Variants in EPHA3 observed in about 807,000 individuals in gnomAD.
The protein encoded by EPHA3 is ephrin type-A receptor 3.
A neutral mutation model predicts 107.1 loss-of-function variants in EPHA3; 42 were observed. That is an observed-to-expected ratio of 0.39 (90% confidence interval 0.31 to 0.51). EPHA3 has a LOEUF of 0.51. Among genes scored for constraint, EPHA3 ranks in the 20% least tolerant of loss-of-function variants. The pLI, the probability that EPHA3 is intolerant of heterozygous loss-of-function variation, is 0.78. For synonymous variants in EPHA3, 461 were observed against 424.8 expected (o/e 1.09, Z -1.05); for missense variants, 1,183 against 1,211.2 (o/e 0.98, Z 0.35).
intron 2 of EPHA3, among the ~76,000 whole-genome samples, chr3:89,131,783 T>G (rs1006115993): frequency 2.6e-5 from 4 of 152,306 alleles, no homozygotes; most frequent in African/African-American, 9.6e-5. Context: ...CTTTAGATAT[T>G]TATTGATGTC....
At chr3:89,146,106 G>GA (rs1448642576) in intron 2 of EPHA3, among the ~76,000 whole-genome samples, 4 of 151,732 alleles carry the variant, frequency 2.6e-5, no homozygotes, top group Non-Finnish European at 5.9e-5. Flanking sequence ...CATAAGTTTT[G>GA]AATTGCCCAC....
At chr3:89,235,639 A>T (rs1271612292) in intron 3 of EPHA3, among the ~76,000 whole-genome samples, 2 of 152,016 alleles carry the variant, frequency 1.3e-5, no homozygotes, top group Non-Finnish European at 2.9e-5. Flanking sequence ...GTATATTTTC[A>T]ATATACCATA....
chr3:89,414,929 T>A lies in EPHA3; in HGVS notation c.1888+1663T>A, dbSNP rs116839464. On this transcript the variant is annotated intron_variant, in intron 10 of 16. Coordinates refer to ENST00000336596, the MANE Select transcript of EPHA3 (RefSeq NM_005233.6). ...TATTTCTGTCTTCAAGTATATATGT[T>A]AATGATTAGATATATGCCCATGTTC... Among the ~76,000 whole-genome samples, 1,479 of 151,718 alleles carry A rather than the reference T, an allele frequency of 9.7e-3. 27 individuals are homozygous for A. The highest frequency in any genetic ancestry group is 0.034 in the African/African-American group (1,415 of 41,478).
chr3:89,403,868 T>A (rs144567078), intron 7 of EPHA3, among the ~76,000 whole-genome samples: 1 of 152,298 alleles, frequency 6.6e-6, no homozygotes, highest in African/African-American at 2.4e-5. Flanking sequence ...TTATTACTTG[T>A]AAAGTGCTTA....
chr3:89,433,408 GA>G (rs1709606920), intron 13 of EPHA3, among the ~76,000 whole-genome samples: 1 of 152,018 alleles, frequency 6.6e-6, no homozygotes, highest in Non-Finnish European at 1.5e-5. Flanking sequence ...TAATATGCCA[GA>G]TAGCATTTCA....
intron 13 of EPHA3, among the ~76,000 whole-genome samples, chr3:89,438,522 A>G (rs1011152840): frequency 3.3e-5 from 5 of 152,304 alleles, no homozygotes; most frequent in African/African-American, 1.2e-4. Context: ...AAGAACATAA[A>G]TAACAGAAAA....
intron 2 of EPHA3, among the ~76,000 whole-genome samples, chr3:89,200,251 A>G (rs1284132504): frequency 6.6e-6 from 1 of 152,228 alleles, no homozygotes; most frequent in African/African-American, 2.4e-5. Flanking sequence ...ATTTATTTAT[A>G]TACACGTACC....
chr3:89,191,640 G>A (rs1181298079), intron 2 of EPHA3, among the ~76,000 whole-genome samples: 1 of 152,080 alleles, frequency 6.6e-6, no homozygotes, highest in African/African-American at 2.4e-5. Flanking sequence ...AAATTTAAAT[G>A]TTTAATATTA....
At chr3:89,201,674 A>C (rs1255553043) in intron 2 of EPHA3, among the ~76,000 whole-genome samples, 1 of 152,218 alleles carries the variant, frequency 6.6e-6, no homozygotes, top group Admixed American at 6.5e-5. Context: ...TTCTTAAATG[A>C]ATCTGTATCT....
rs111298107 is a variant in EPHA3, at chr3:89,415,999, G to A, written c.1888+2733G>A. Among the ~76,000 whole-genome samples the A allele has an allele frequency of 5.7e-3, 859 of 151,420 alleles. 9 individuals carry two copies. The highest frequency in any genetic ancestry group is 0.02 in the African/African-American group (811 of 41,418). ...TTTTTTTGAGGATTAAACAAGATAAGTTGTGCAGGGGACTTAGCTGACACA... is the reference window on the plus strand; with the variant it reads ...TTTTTTTGAGGATTAAACAAGATAAATTGTGCAGGGGACTTAGCTGACACA... On this transcript the variant is annotated intron_variant, in intron 10 of 16. Transcript: ENST00000336596.
intron 3 of EPHA3, among the ~76,000 whole-genome samples, chr3:89,288,370 T>A (rs1706138264): frequency 6.6e-6 from 1 of 152,150 alleles, no homozygotes; most frequent in South Asian, 2.1e-4. Context: ...TATAGAGCTA[T>A]GATGCTGTAT....
intron 5 of EPHA3, among the ~76,000 whole-genome samples, chr3:89,379,246 A>T (rs1024577055): frequency 1.3e-5 from 2 of 152,198 alleles, no homozygotes; most frequent in Non-Finnish European, 2.9e-5. Flanking sequence ...TTGGGATAAA[A>T]AGAGACTGAG....
chr3:89,342,148 G>T, intron 5 of EPHA3, 58 bp downstream of exon 5: 2 of 1,451,718 alleles, frequency 1.4e-6, no homozygotes, highest in South Asian at 2.8e-5. Flanking sequence ...TAATGGTTTT[G>T]ACTCTGGGTG....
intron 1 of EPHA3, among the ~76,000 whole-genome samples, chr3:89,122,056 T>G (rs951482941): frequency 6.6e-6 from 1 of 152,234 alleles, no homozygotes; most frequent in African/African-American, 2.4e-5. Context: ...CAAAGTTTAT[T>G]TCTTTCTGTA....
intron 5 of EPHA3, among the ~76,000 whole-genome samples, chr3:89,379,123 T>C (rs1334053197): frequency 6.6e-6 from 1 of 152,218 alleles, no homozygotes; most frequent in East Asian, 1.9e-4. Flanking sequence ...TCCCCTTTGC[T>C]TTCTGCTCAG....
rs1340080844 is a variant in EPHA3, at chr3:89,383,711, C to T, written c.1307-12126C>T. Among the ~76,000 whole-genome samples, 6 of 140,114 alleles carry T rather than the reference C, an allele frequency of 4.3e-5. No homozygotes were observed. In the South Asian group the frequency reaches 7.0e-4, roughly 16 times the overall value. 91.9% of individuals were successfully genotyped at this position (140,114 alleles called of 152,430 possible). On this transcript the variant is annotated intron_variant, in intron 5 of 16. Coordinates refer to ENST00000336596, the MANE Select transcript of EPHA3 (RefSeq NM_005233.6). ...TAGCCCAGGCTGGAGTGCAGTGGCG[C>T]GATCTCGGCTCACTGCAAGCTCCAC...
In EPHA3 at chr3:89,210,390, G is replaced by T. The variant is rs143609637; in HGVS notation, c.684G>T (p.Gly228=). The T allele has an allele frequency of 3.7e-6, 6 of 1,613,726 alleles. No individual in the cohort carries two copies. Among genetic ancestry groups the T allele is most frequent in the Non-Finnish European group, 4.2e-6 (5 of 1,179,904 alleles). ...MDSQSLVEVR[G]SCVNNSKEED... Reference sequence around the variant, plus strand: ...CCCAGTCCCTGGTGGAGGTTAGAGGGTCTTGTGTCAACAATTCTAAGGAGG... The same window carrying T: ...CCCAGTCCCTGGTGGAGGTTAGAGGTTCTTGTGTCAACAATTCTAAGGAGG... The change falls in exon 3 of 17, where the codon GGG becomes GGT. Residue 228 remains glycine (G), a synonymous_variant. Transcript: ENST00000336596.
chr3:89,404,459 C>T lies in EPHA3; in HGVS notation c.1595-2810C>T, dbSNP rs1267854245. Among the ~76,000 whole-genome samples, 3 of 152,214 alleles carry T rather than the reference C, an allele frequency of 2.0e-5. No individual in the cohort carries two copies. The East Asian group carries it at 5.8e-4, about 29-fold the overall frequency. On this transcript the variant is annotated intron_variant, in intron 7 of 16. Coordinates refer to ENST00000336596, the MANE Select transcript of EPHA3 (RefSeq NM_005233.6). ...TCAAAAGAATGAACTCTGAATCACT[C>T]TTTTGAGAGAGAAAGCCAGCACTCT...
At position 89,459,080 on chromosome 3, in the gene EPHA3, T is replaced by C. The variant is rs188357278; in HGVS notation, c.2690+8710T>C. Among the ~76,000 whole-genome samples the C allele has an allele frequency of 2.6e-5, 4 of 152,154 alleles. No individual in the cohort carries two copies. In the East Asian group the frequency reaches 7.7e-4, roughly 29 times the overall value. On this transcript the variant is annotated intron_variant, in intron 15 of 16. Coordinates refer to ENST00000336596, the MANE Select transcript of EPHA3 (RefSeq NM_005233.6). ...CATTCTGACAAATACCTAATGCATG[T>C]GGAGCTTAAAACCTAGATGATGTGT...
Sources: gnomAD v4.1 joint callset for allele counts (sites outside exome capture counted in the v4.1 genomes callset) on GRCh38, gnomAD v4.1.1 for gene constraint, MANE v1.5 for transcripts, NCBI Gene and HGNC (gene_info 2026-07-23, HGNC 2026-07-21) for gene names.